The following NKD1 variants were observed in gnomAD, a reference collection of about 807,000 sequenced individuals.
NKD1 encodes the protein NKD inhibitor of Wnt signaling pathway 1.
NKD1 carries 21 observed loss-of-function variants against 56.0 expected under a neutral mutation model. The ratio of observed to expected loss-of-function variants is 0.38; its 90% CI spans 0.27 to 0.54. The LOEUF (loss-of-function observed/expected upper bound fraction) is 0.54, where lower values mean the gene tolerates loss of function less well. NKD1 is among the 20% of genes least tolerant of loss of function. The pLI is 0.82. For missense variants in NKD1, 578 were observed against 642.7 expected, an observed-to-expected ratio of 0.90 and a Z score of 1.09; for synonymous variants, 263 against 265.7, an observed-to-expected ratio of 0.99 and a Z score of 0.10.
In NKD1 at chr16:50,644,869, G is replaced by T. The variant is rs1302215876; in HGVS notation, c.*11088G>T. 1 of 152,234 alleles carries T rather than the reference G, an allele frequency of 6.6e-6. No individual in the cohort carries two copies. The highest frequency in any genetic ancestry group is 2.4e-5 in the African/African-American group (1 of 41,460). 9.4% of individuals were successfully genotyped at this position (152,234 alleles called of 1,614,324 possible). On this transcript the variant is annotated 3_prime_UTR_variant, in exon 10 of 10. Transcript: ENST00000268459. ...CCCTCCTTTCTTCACTGGGGAGAAA[G>T]AATTTGGCATTCGAGTATCTCACCC...
intron 3 of NKD1, among the ~76,000 whole-genome samples, chr16:50,562,633 A>G (rs988966352): frequency 4.6e-5 from 7 of 152,122 alleles, no homozygotes; most frequent in East Asian, 3.9e-4. Flanking sequence ...CTTGGGTGCT[A>G]TTCAAAATGT....
chr16:50,599,738 TCAGA>T (rs1198507284), intron 3 of NKD1, among the ~76,000 whole-genome samples: 5 of 152,184 alleles, frequency 3.3e-5, no homozygotes, highest in South Asian at 4.1e-4. Flanking sequence ...AAAATTGTGG[TCAGA>T]CAAACAGCAA....
At chr16:50,625,212 G>A (rs1028498067) in intron 5 of NKD1, 6 of 508,394 alleles carry the variant, frequency 1.2e-5, no homozygotes, top group African/African-American at 1.9e-5. Flanking sequence ...CCTCTTCTCA[G>A]AACCCCCTGT....
chr16:50,575,548 C>G (rs1960976463), intron 3 of NKD1, among the ~76,000 whole-genome samples: 2 of 152,188 alleles, frequency 1.3e-5, no homozygotes, highest in African/African-American at 4.8e-5. Context: ...TGGGGACGGA[C>G]TTGCTCTTGA....
rs1343364953 is a variant in NKD1, at chr16:50,635,387, T to TC, written c.*1607dup. On this transcript the variant is annotated 3_prime_UTR_variant, in exon 10 of 10. Transcript: ENST00000268459. This position sits in a 1 kb window ranked among gnomAD's most constrained non-coding sequence, Gnocchi z 4.1. ...GGCCAAGGGAGCTTGTTGATGTGGG[T>TC]CACACGGGCATGTTCCCAGGTCAGA... is the stretch of plus-strand genomic sequence containing the variant. 1 of 152,174 alleles carries TC rather than the reference T, an allele frequency of 6.6e-6. No individual in the cohort carries two copies. The highest frequency in any genetic ancestry group is 1.5e-5 in the Non-Finnish European group (1 of 68,060). 9.4% of individuals were successfully genotyped at this position (152,174 alleles called of 1,614,324 possible). A position where few individuals can be genotyped will look rare whatever the true frequency, so the allele number is the denominator to read the frequency against.
intron 3 of NKD1, among the ~76,000 whole-genome samples, chr16:50,592,316 T>G (rs1401631220): frequency 6.6e-6 from 1 of 152,216 alleles, no homozygotes; most frequent in Non-Finnish European, 1.5e-5. Context: ...TGCCAGCATG[T>G]CCTGGGCCCA....
At chr16:50,562,999 G>A (rs369526562) in intron 3 of NKD1, among the ~76,000 whole-genome samples, 5 of 19,258 alleles carry the variant, frequency 2.6e-4, no homozygotes, top group South Asian at 2.9e-3. Context: ...CCCCCCCCCC[G>A]CCGTAGAATG....
At position 50,643,522 on chromosome 16, in the gene NKD1, C is replaced by T. The variant is rs1453027791; in HGVS notation, c.*9741C>T. 1 of 152,196 alleles carries T rather than the reference C, an allele frequency of 6.6e-6. No individual in the cohort carries two copies. Among genetic ancestry groups the T allele is most frequent in the Admixed American group, 6.5e-5 (1 of 15,270 alleles). 9.4% of individuals were successfully genotyped at this position (152,196 alleles called of 1,614,324 possible). ...GACCTCAGCCTCAGCAAGATGGTGC[C>T]CCAAGCTCTCAGGGTGCCCTGTGGT... On this transcript the variant is annotated 3_prime_UTR_variant, in exon 10 of 10. Transcript: ENST00000268459.
At position 50,630,304 on chromosome 16, in the gene NKD1, G is replaced by A. The variant is rs1314509841; in HGVS notation, c.581G>A (p.Ser194Asn). The A allele has an allele frequency of 6.2e-7, 1 of 1,614,056 alleles. No homozygotes were observed. The highest frequency in any genetic ancestry group is 1.3e-5 in the African/African-American group (1 of 74,930). The part of the protein sequence containing the change: ...KLTVAPDGSQ[S>N]KRSVLVNQAD... ...ACCGTGGCCCCCGATGGCAGCCAGA[G>A]CAAGAGGAGCGTCCTTGTCAATCAG... The change falls in exon 7 of 10, where the codon AGC (serine) becomes AAC (asparagine). Residue 194 changes from serine to asparagine, a missense_variant. By Grantham distance (46) the Ser-to-Asn change is conservative. Transcript: ENST00000268459.
intron 3 of NKD1, among the ~76,000 whole-genome samples, chr16:50,579,433 C>T (rs1056029366): frequency 2.0e-5 from 3 of 146,698 alleles, no homozygotes; most frequent in Non-Finnish European, 4.5e-5. Context: ...ACCCGCTACA[C>T]ACGCACTCTA....
chr16:50,617,345 C>T (rs530697123), intron 4 of NKD1, among the ~76,000 whole-genome samples: 119 of 148,694 alleles, frequency 8.0e-4, no homozygotes, highest in African/African-American at 3.0e-3. Context: ...TTGATCTCAG[C>T]GGAGGAAAAA....
chr16:50,550,692 C>T lies in NKD1; in HGVS notation c.192+1137C>T, dbSNP rs1298628715. On this transcript the variant is annotated intron_variant, in intron 3 of 9. Coordinates refer to ENST00000268459, the MANE Select transcript of NKD1 (RefSeq NM_033119.5). ...CTAGTAAAGGTCAAATCTTGGTGGGCGGGGGGCACTGCAGTTGGGGCCCTT... is the reference window on the plus strand; with the variant it reads ...CTAGTAAAGGTCAAATCTTGGTGGGTGGGGGGCACTGCAGTTGGGGCCCTT... Among the ~76,000 whole-genome samples the T allele has an allele frequency of 3.9e-5, 6 of 152,146 alleles. No homozygotes were observed. The East Asian group carries it at 5.8e-4, about 15-fold the overall frequency.
chr16:50,624,118 T>C (rs968098288), intron 5 of NKD1, among the ~76,000 whole-genome samples: 1 of 152,108 alleles, frequency 6.6e-6, no homozygotes, highest in Admixed American at 6.5e-5. Context: ...TGAGCCTTCC[T>C]CCTGCCAGGC....
intron 5 of NKD1, among the ~76,000 whole-genome samples, chr16:50,622,634 G>A (rs1962118162): frequency 6.6e-6 from 1 of 152,164 alleles, no homozygotes; most frequent in Non-Finnish European, 1.5e-5. Flanking sequence ...CACGTGCCTC[G>A]CCTGTAAGGT....
At chr16:50,595,195 C>T (rs951911661) in intron 3 of NKD1, among the ~76,000 whole-genome samples, 3 of 152,118 alleles carry the variant, frequency 2.0e-5, no homozygotes, top group South Asian at 4.1e-4. Context: ...CCTCTATATT[C>T]GGATCCTGGC....
chr16:50,594,696 G>T (rs1440268312), intron 3 of NKD1, among the ~76,000 whole-genome samples: 2 of 152,182 alleles, frequency 1.3e-5, no homozygotes, highest in African/African-American at 4.8e-5. Context: ...GGCCACCTGG[G>T]GTGGGGACAC....
chr16:50,577,217 G>A (rs1961011550), intron 3 of NKD1, among the ~76,000 whole-genome samples: 1 of 152,164 alleles, frequency 6.6e-6, no homozygotes, highest in Non-Finnish European at 1.5e-5. Context: ...GGAGATAGTA[G>A]GAATACCTTC....
In NKD1 at chr16:50,632,470, C is replaced by A; in HGVS notation, c.823+62C>A. ...GCAGGGCGTGGCTGGACGGGCCAGG[C>A]GGGCCGTGCGGGTGGTGTTCACTGC... is the stretch of plus-strand genomic sequence containing the variant. On this transcript the variant is annotated intron_variant, in intron 9 of 9. Transcript: ENST00000268459. This position sits in a 1 kb window ranked among gnomAD's most constrained non-coding sequence, Gnocchi z 4.1. 1.9e-6 allele frequency: 3 copies of A among 1,563,916 alleles called. No homozygotes were observed. Among genetic ancestry groups the A allele is most frequent in the Non-Finnish European group, 1.8e-6 (2 of 1,137,674 alleles).
chr16:50,578,620 C>T (rs1961040983), intron 3 of NKD1, among the ~76,000 whole-genome samples: 1 of 152,152 alleles, frequency 6.6e-6, no homozygotes, highest in Non-Finnish European at 1.5e-5. Flanking sequence ...GATCAGATAC[C>T]CACACTGTGT....
Sources: gnomAD v4.1 joint callset for allele counts (sites outside exome capture counted in the v4.1 genomes callset) on GRCh38, gnomAD v4.1.1 for gene constraint, Gnocchi (gnomAD v3.1) non-coding constraint, MANE v1.5 for transcripts, NCBI Gene and HGNC (gene_info 2026-07-23, HGNC 2026-07-21) for gene names.